The following RBFOX1 variants were observed in gnomAD, a reference collection of about 807,000 sequenced individuals.
RBFOX1 encodes RNA binding protein fox-1 homolog 1.
Under a neutral mutation model 57.7 loss-of-function variants are expected in RBFOX1, and 8 were observed. The ratio of observed to expected loss-of-function variants is 0.14; its 90% CI spans 0.08 to 0.25. RBFOX1 has a LOEUF of 0.25. Ranked by LOEUF, RBFOX1 falls within the 10% of genes least tolerant of loss-of-function variation. The pLI is 1.00. For synonymous variants in RBFOX1, 326 were observed against 222.4 expected (o/e 1.47, Z -4.15); for missense variants, 611 against 548.5 (o/e 1.11, Z -1.14).
At chr16:6,758,925 AAG>A (rs2154197058) in intron 3 of RBFOX1, among the ~76,000 whole-genome samples, 1 of 152,234 alleles carries the variant, frequency 6.6e-6, no homozygotes, top group Admixed American at 6.5e-5. Flanking sequence ...TCGGGGGGGA[AAG>A]AGTTTAGAAA....
intron 4 of RBFOX1, among the ~76,000 whole-genome samples, chr16:7,079,989 A>C (rs1171489086): frequency 1.4e-5 from 2 of 146,704 alleles, no homozygotes; most frequent in East Asian, 2.0e-4. Flanking sequence ...TTAAAATATT[A>C]AATTCATTGT....
chr16:6,829,553 C>CA lies in RBFOX1; in HGVS notation c.-16+174908dup, dbSNP rs370950063. Among the ~76,000 whole-genome samples the CA allele has an allele frequency of 4.2e-3, 632 of 149,250 alleles. 4 individuals carry two copies. The highest frequency in any genetic ancestry group is 0.015 in the African/African-American group (587 of 40,392). On this transcript the variant is annotated intron_variant, in intron 3 of 15. Transcript: ENST00000550418. ...GACAAAATAAGTACCATTAGTTAAA[C>CA]AAAAACAGGTATTTGCATAATCATG...
Position 6,975,687 on chromosome 16 carries a change from C to T in RBFOX1, c.-15-76370C>T, listed in dbSNP as rs540659900. Among the ~76,000 whole-genome samples, 3 of 152,290 alleles carry T rather than the reference C, an allele frequency of 2.0e-5. No homozygotes were observed. The South Asian group carries it at 6.2e-4, about 32-fold the overall frequency. On this transcript the variant is annotated intron_variant, in intron 3 of 15. Coordinates refer to ENST00000550418, the MANE Select transcript of RBFOX1 (RefSeq NM_018723.4). ...TTCAGCCCAAGTTCATAAATATCTT[C>T]CCTTGGAACATCAATTTATGATTAG...
chr16:7,272,669 G>T (rs962307991), intron 4 of RBFOX1, among the ~76,000 whole-genome samples: 1 of 151,808 alleles, frequency 6.6e-6, no homozygotes, highest in Non-Finnish European at 1.5e-5. Context: ...TCTGAGAAGG[G>T]GGAGGGATGG....
At chr16:7,158,076 C>T (rs531664106) in intron 4 of RBFOX1, among the ~76,000 whole-genome samples, 226 of 152,202 alleles carry the variant, frequency 1.5e-3, no homozygotes, top group Middle Eastern at 3.4e-3. Flanking sequence ...TGGCTGGGCG[C>T]GGTAGCTCAA....
rs780786821 is a variant in RBFOX1, at chr16:6,691,946, G to A, written c.-16+37296G>A. Among the ~76,000 whole-genome samples the A allele has an allele frequency of 3.3e-5, 5 of 152,286 alleles. No homozygotes were observed. In the South Asian group the frequency reaches 8.3e-4, roughly 25 times the overall value. On this transcript the variant is annotated intron_variant, in intron 3 of 15. Coordinates refer to ENST00000550418, the MANE Select transcript of RBFOX1 (RefSeq NM_018723.4). ...AGGAAGGGGCCATGGGCCATGGACT[G>A]TTGGTGGCCTTTTGAAGCTGGAAAA...
Position 5,579,853 on chromosome 16 carries a change from G to A in RBFOX1, c.259-19049G>A, listed in dbSNP as rs557493676. Among the ~76,000 whole-genome samples the A allele has an allele frequency of 8.6e-5, 13 of 151,808 alleles. No homozygotes were observed. The East Asian group carries it at 1.4e-3, about 16-fold the overall frequency. On this transcript the variant is annotated intron_variant, in intron 2 of 2. Transcript: ENST00000585867. ...CAGCTCACTGCAACCTCCGCCTCCC[G>A]GGTTCAAGCTATTCTCCTGCTTCAG...
intron 4 of RBFOX1, among the ~76,000 whole-genome samples, chr16:7,441,237 C>T (rs9302846): frequency 0.27 from 41,158 of 152,058 alleles, 8,671 homozygotes; most frequent in African/African-American, 0.55. Flanking sequence ...GAAAGCTCTG[C>T]AAGGCTAGGA....
chr16:7,328,716 G>A (rs1273189790), intron 4 of RBFOX1: 3 of 151,686 alleles, frequency 2.0e-5, no homozygotes, highest in Non-Finnish European at 2.9e-5. Context: ...GAAATCTCTG[G>A]CACAGGGAAA....
At chr16:5,789,576 A>G (rs1260885528) in intron 3 of RBFOX1, among the ~76,000 whole-genome samples, 1 of 152,102 alleles carries the variant, frequency 6.6e-6, no homozygotes, top group African/African-American at 2.4e-5. Context: ...TGGCACTAGT[A>G]TTTTACCAGC....
At chr16:7,081,249 G>T (rs2059150235) in intron 4 of RBFOX1, among the ~76,000 whole-genome samples, 1 of 152,206 alleles carries the variant, frequency 6.6e-6, no homozygotes, top group Admixed American at 6.5e-5. Flanking sequence ...TGGCTGGGCT[G>T]GTCTTGAACT....
intron 2 of RBFOX1, among the ~76,000 whole-genome samples, chr16:6,654,010 G>C (rs990393077): frequency 6.7e-6 from 1 of 150,082 alleles, no homozygotes; most frequent in Non-Finnish European, 1.5e-5. Context: ...GATGGATAGA[G>C]GAAGGGTGGG....
chr16:6,586,142 G>A (rs1226755787), intron 2 of RBFOX1, among the ~76,000 whole-genome samples: 1 of 152,164 alleles, frequency 6.6e-6, no homozygotes, highest in Admixed American at 6.5e-5. Context: ...CAATTCAGAC[G>A]TTTGGAATCA....
At chr16:6,456,766 A>G (rs2094784504) in intron 2 of RBFOX1, among the ~76,000 whole-genome samples, 1 of 152,182 alleles carries the variant, frequency 6.6e-6, no homozygotes, top group African/African-American at 2.4e-5. Context: ...AAGATAAACT[A>G]TTTAACTTGT....
chr16:5,633,526 C>A (rs376956871), intron 3 of RBFOX1, among the ~76,000 whole-genome samples: 2 of 152,080 alleles, frequency 1.3e-5, no homozygotes, highest in Non-Finnish European at 2.9e-5. Context: ...GACTGACATC[C>A]AGAATCTACA....
At chr16:5,479,716 G>C (rs1327893578) in intron 2 of RBFOX1, among the ~76,000 whole-genome samples, 1 of 151,966 alleles carries the variant, frequency 6.6e-6, no homozygotes. Context: ...CCAAGATCGC[G>C]CCATTCCAGC....
intron 4 of RBFOX1, among the ~76,000 whole-genome samples, chr16:5,978,834 C>T (rs940204619): frequency 5.9e-5 from 9 of 151,366 alleles, no homozygotes; most frequent in Non-Finnish European, 8.8e-5. Flanking sequence ...AAGTGAAATG[C>T]TCTTCTCATC....
At chr16:7,330,472 C>CTGTGTGTG (rs71391624) in intron 4 of RBFOX1, among the ~76,000 whole-genome samples, 23 of 94,402 alleles carry the variant, frequency 2.4e-4, no homozygotes, top group East Asian at 1.5e-3. Context: ...ATGGAGAGCT[C>CTGTGTGTG]TGTGTGTGTG....
At chr16:6,608,364 A>G (rs2097978828) in intron 2 of RBFOX1, among the ~76,000 whole-genome samples, 2 of 152,022 alleles carry the variant, frequency 1.3e-5, no homozygotes, top group Non-Finnish European at 1.5e-5. Flanking sequence ...ATTATTGTTC[A>G]CCTCTTTGTG....
Sources: allele counts gnomAD v4.1 joint callset (sites outside exome capture counted in the v4.1 genomes callset), GRCh38; gene constraint gnomAD v4.1.1; transcripts MANE v1.5; gene names NCBI Gene and HGNC (gene_info 2026-07-23, HGNC 2026-07-21).